The following SLC1A7 variants were observed in gnomAD, a reference collection of about 807,000 sequenced individuals.
SLC1A7 encodes excitatory amino acid transporter 5.
A neutral mutation model predicts 47.7 loss-of-function variants in SLC1A7; 40 were observed. The ratio of observed to expected loss-of-function variants is 0.84; its 90% CI spans 0.65 to 1.09. The LOEUF (loss-of-function observed/expected upper bound fraction) is 1.09. Ranked by LOEUF, SLC1A7 falls within the 50% of genes least tolerant of loss-of-function variation. The pLI, the probability that SLC1A7 is intolerant of heterozygous loss-of-function variation, is 0.00. For synonymous variants in SLC1A7, 323 were observed against 325.6 expected (o/e 0.99, Z 0.09); for missense variants, 746 against 769.5 (o/e 0.97, Z 0.36).
At chr1:53,091,378 C>T (rs574892810) in intron 7 of SLC1A7, among the ~76,000 whole-genome samples, 17 of 152,342 alleles carry the variant, frequency 1.1e-4, no homozygotes, top group African/African-American at 1.9e-4. Context: ...TCCTCTCCCC[C>T]GGGCCTCTGC....
rs373340078 is a variant in SLC1A7 at position 53,103,157 on chromosome 1, G to A, written c.697+189C>T. Reference sequence around the variant, plus strand: ...ACGGGCCTGAGGGGGAGGTGCCAGGGGGAAGCCCCTGGGGTGGGGTGGGGA... The same window carrying A: ...ACGGGCCTGAGGGGGAGGTGCCAGGAGGAAGCCCCTGGGGTGGGGTGGGGA... On this transcript the variant is annotated intron_variant, in intron 5 of 10. Transcript: ENST00000371494. 491 of 536,642 alleles carry A rather than the reference G, an allele frequency of 9.1e-4. 2 individuals are homozygous for A. The highest frequency in any genetic ancestry group is 7.9e-3 in the African/African-American group (411 of 51,924). The allele number at this position is 536,642 out of a possible 1,614,324, so 33.2% of individuals were successfully genotyped here.
chr1:53,123,900 C>G lies in SLC1A7; in HGVS notation c.216-8927G>C, dbSNP rs368374983. ...CACCAGAAGGTTCAGTGGAGCTCGC[C>G]AAACTGTGGCTACCCCCTGACTCGG... On this transcript the variant is annotated intron_variant, in intron 2 of 10. Coordinates refer to ENST00000371494, the MANE Select transcript of SLC1A7 (RefSeq NM_006671.6). Among the ~76,000 whole-genome samples, 12 of 152,330 alleles carry G rather than the reference C, an allele frequency of 7.9e-5. No homozygotes were observed. The East Asian group carries it at 2.1e-3, about 27-fold the overall frequency.
intron 3 of SLC1A7, among the ~76,000 whole-genome samples, chr1:53,112,174 G>A (rs959339039): frequency 2.6e-5 from 4 of 152,206 alleles, no homozygotes; most frequent in African/African-American, 9.6e-5. Context: ...ACATTTGCAT[G>A]TTTTGATTTC....
intron 6 of SLC1A7, 139 bp from the exon 7 acceptor site, chr1:53,092,926 G>A (rs1042297649): frequency 6.3e-6 from 4 of 634,102 alleles, no homozygotes; most frequent in Non-Finnish European, 8.5e-6. Flanking sequence ...AAGGTGCCCG[G>A]CCCAGGCTCA....
At chr1:53,130,273 A>G (rs1385759669) in intron 2 of SLC1A7, among the ~76,000 whole-genome samples, 2 of 152,198 alleles carry the variant, frequency 1.3e-5, no homozygotes, top group Non-Finnish European at 2.9e-5. Flanking sequence ...CGTGCATGGC[A>G]GGGGCTGGGC....
At chr1:53,091,783 C>T (rs1375407946) in intron 7 of SLC1A7, among the ~76,000 whole-genome samples, 1 of 152,144 alleles carries the variant, frequency 6.6e-6, no homozygotes, top group Non-Finnish European at 1.5e-5. Flanking sequence ...TAAGTTCCTG[C>T]GACTCCCTTA....
chr1:53,107,161 A>AAG (rs1644652645), intron 3 of SLC1A7, among the ~76,000 whole-genome samples: 1 of 150,002 alleles, frequency 6.7e-6, no homozygotes, highest in African/African-American at 2.4e-5. Context: ...ACTAAAAAAA[A>AAG]AAAAAAAAAA....
intron 5 of SLC1A7, among the ~76,000 whole-genome samples, chr1:53,095,810 TG>T (rs1250422161): frequency 2.9e-5 from 4 of 138,350 alleles, no homozygotes; most frequent in Non-Finnish European, 4.6e-5. Flanking sequence ...CACCCCGACT[TG>T]GTACACTCAC....
chr1:53,136,545 T>TA (rs1307485437), intron 1 of SLC1A7, among the ~76,000 whole-genome samples: 3 of 41,198 alleles, frequency 7.3e-5, no homozygotes, highest in African/African-American at 9.9e-5. Flanking sequence ...AACATATATA[T>TA]AATATATATA....
At chr1:53,122,294 G>A (rs147537605) in intron 2 of SLC1A7, among the ~76,000 whole-genome samples, 388 of 152,282 alleles carry the variant, frequency 2.5e-3, no homozygotes, top group Non-Finnish European at 4.0e-3. Context: ...AGGACCTGAG[G>A]GACAGTGAGG....
chr1:53,107,611 C>T (rs1006924136), intron 3 of SLC1A7, among the ~76,000 whole-genome samples: 1 of 152,168 alleles, frequency 6.6e-6, no homozygotes, highest in East Asian at 1.9e-4. Flanking sequence ...AATAAAACCA[C>T]AAAGCAAGTG....
rs1189954611 is a variant in SLC1A7, at chr1:53,142,384, C to G, written c.66G>C (p.Leu22=). The change falls in exon 1 of 11, where the codon CTG becomes CTC. Residue 22 remains leucine (L), a synonymous_variant. Coordinates refer to ENST00000371494, the MANE Select transcript of SLC1A7 (RefSeq NM_006671.6). The part of the protein sequence containing the change: ...DVCRRNGLLI[L]SVLSVIVGCL... Reference sequence around the variant, plus strand: ...AGCCCACGATGACAGACAGCACAGACAGGATGAGGAGTCCATTCCGCCTGC... The same window carrying G: ...AGCCCACGATGACAGACAGCACAGAGAGGATGAGGAGTCCATTCCGCCTGC... The G allele has an allele frequency of 6.2e-7, 1 of 1,605,710 alleles. No individual in the cohort carries two copies. Among genetic ancestry groups the G allele is most frequent in the Non-Finnish European group, 8.5e-7 (1 of 1,176,212 alleles).
At chr1:53,092,529 C>G (rs377153142) in intron 7 of SLC1A7, 25 bp downstream of exon 7, 1 of 1,555,860 alleles carries the variant, frequency 6.4e-7, no homozygotes, top group Non-Finnish European at 8.9e-7. Flanking sequence ...CAGCTCCCCA[C>G]CGTCCTGCCC....
At position 53,142,417 on chromosome 1, in the gene SLC1A7, C is replaced by T. The variant is rs1438502808; in HGVS notation, c.33G>A (p.Arg11=). Reference sequence around the variant, plus strand: ...GGAGTCCATTCCGCCTGCACACGTCCCTCCCCCGTGCCAAGATGGCATGCG... The same window carrying T: ...GGAGTCCATTCCGCCTGCACACGTCTCTCCCCCGTGCCAAGATGGCATGCG... MVPHAILARG[R]DVCRRNGLLI... is the part of the protein sequence containing the mutation. Residue 11 remains arginine (R), a synonymous_variant, in exon 1 of 11, where the codon AGG becomes AGA. Coordinates refer to ENST00000371494, the MANE Select transcript of SLC1A7 (RefSeq NM_006671.6). The T allele has an allele frequency of 6.2e-7, 1 of 1,612,462 alleles. No individual in the cohort carries two copies. Among genetic ancestry groups the T allele is most frequent in the Admixed American group, 1.7e-5 (1 of 59,850 alleles).
intron 1 of SLC1A7, among the ~76,000 whole-genome samples, chr1:53,136,170 ATAATATATATAAT>A (rs1484112476): frequency 6.8e-6 from 1 of 147,028 alleles, no homozygotes; most frequent in Non-Finnish European, 1.5e-5. Flanking sequence ...TATATATAAA[ATAATATATATAAT>A]TATATATTAT....
At chr1:53,089,698 C>A in intron 9 of SLC1A7, 102 bp downstream of exon 9, 3 of 1,266,186 alleles carry the variant, frequency 2.4e-6, no homozygotes, top group South Asian at 1.3e-5. Flanking sequence ...CAGTCCCCAG[C>A]CTTCTACCCT....
At chr1:53,108,413 G>T in intron 3 of SLC1A7, 1 of 600,280 alleles carries the variant, frequency 1.7e-6, no homozygotes, top group Middle Eastern at 4.4e-4. Context: ...GGGACAGCTA[G>T]TTGCCTATGC....
chr1:53,098,628 CA>C (rs1297814291), intron 5 of SLC1A7, among the ~76,000 whole-genome samples: 1 of 149,256 alleles, frequency 6.7e-6, no homozygotes, highest in East Asian at 2.0e-4. Context: ...CATACCACCT[CA>C]GTACGTTCAC....
chr1:53,091,126 TC>T, intron 7 of SLC1A7: 1 of 645,026 alleles, frequency 1.6e-6, no homozygotes, highest in Non-Finnish European at 2.6e-6. Flanking sequence ...GGGCTTAGAT[TC>T]CAGCCTCCTG....
Sources: allele counts gnomAD v4.1 joint callset (sites outside exome capture counted in the v4.1 genomes callset), GRCh38; gene constraint gnomAD v4.1.1; transcripts MANE v1.5; gene names NCBI Gene and HGNC (gene_info 2026-07-23, HGNC 2026-07-21).